BBX: variants seen among roughly 807,000 people sequenced by gnomAD.
BBX encodes BBX high mobility group box domain containing, also known as HMG box transcription factor BBX.
A neutral mutation model predicts 100.2 loss-of-function variants in BBX; 30 were observed. The observed-to-expected ratio is 0.30, with a 90% CI of 0.22 to 0.41. BBX has a LOEUF of 0.41. Ranked by LOEUF, BBX falls within the 10% of genes least tolerant of loss-of-function variation. The probability of loss-of-function intolerance (pLI) is 1.00; values close to 1 mark genes in which losing one functional copy is unlikely to be tolerated. For missense variants in BBX, 1,023 were observed against 1,129.8 expected (o/e 0.91, Z 1.35); for synonymous variants, 376 against 388.1 (o/e 0.97, Z 0.37).
In BBX at chr3:107,537,857, G is replaced by A. The variant is rs560780320; in HGVS notation, c.-84+11459G>A. Among the ~76,000 whole-genome samples, 42 of 152,314 alleles carry A rather than the reference G, an allele frequency of 2.8e-4. 1 individual carries two copies. The highest frequency in any genetic ancestry group is 9.9e-4 in the African/African-American group (41 of 41,568). ...TGTGCTCAGTGTTCCAGATGCCAGT[G>A]TACTTTAATAACAAATACATTCATA... On this transcript the variant is annotated intron_variant, in intron 2 of 17. Transcript: ENST00000325805.
At chr3:107,526,185 G>A (rs758140192) in intron 1 of BBX, 142 bp from the exon 2 acceptor site, 134 of 396,274 alleles carry the variant, frequency 3.4e-4, no homozygotes, top group Non-Finnish European at 4.7e-4. Context: ...GTGTCGGGGG[G>A]TGGTAGAGAA....
intron 5 of BBX, among the ~76,000 whole-genome samples, chr3:107,722,630 G>A (rs886706172): frequency 1.3e-5 from 2 of 151,928 alleles, no homozygotes; most frequent in African/African-American, 2.4e-5. Flanking sequence ...TTTTTCAAGT[G>A]TATAATTTCT....
intron 12 of BBX, among the ~76,000 whole-genome samples, chr3:107,777,611 A>G (rs970185033): frequency 2.0e-5 from 3 of 152,186 alleles, no homozygotes; most frequent in African/African-American, 4.8e-5. Flanking sequence ...GCATGTTGCC[A>G]TTGCTGTGGG....
intron 2 of BBX, among the ~76,000 whole-genome samples, chr3:107,531,455 G>A (rs1177260864): frequency 6.6e-6 from 1 of 152,122 alleles, no homozygotes; most frequent in Non-Finnish European, 1.5e-5. Context: ...GATTACACAA[G>A]ACAGTAATGA....
intron 2 of BBX, among the ~76,000 whole-genome samples, chr3:107,629,260 A>G (rs180793399): frequency 3.9e-5 from 6 of 152,358 alleles, no homozygotes; most frequent in African/African-American, 9.6e-5. Flanking sequence ...ACAAAACAAA[A>G]TAATATGAAA....
intron 5 of BBX, among the ~76,000 whole-genome samples, chr3:107,720,371 G>A (rs1283777415): frequency 6.6e-6 from 1 of 151,922 alleles, no homozygotes; most frequent in African/African-American, 2.4e-5. Flanking sequence ...TGCTGGGGAG[G>A]GAAGTGGGTG....
intron 3 of BBX, among the ~76,000 whole-genome samples, chr3:107,698,527 C>T (rs953197173): frequency 6.6e-6 from 1 of 151,328 alleles, no homozygotes; most frequent in African/African-American, 2.5e-5. Context: ...TGGCATACTC[C>T]TGTAGTCCCA....
rs997077709 is a variant in BBX, at chr3:107,704,811, A to G, written c.-9-5641A>G. Among the ~76,000 whole-genome samples, 11 of 152,262 alleles carry G rather than the reference A, an allele frequency of 7.2e-5. No individual in the cohort carries two copies. In the South Asian group the frequency reaches 8.3e-4, roughly 11 times the overall value. On this transcript the variant is annotated intron_variant, in intron 3 of 17. Transcript: ENST00000325805. ...GGTGCAGGGGAGTTGTCAAAACACT[A>G]TGATAAGTGCTTGACCTAACAGAAT...
At chr3:107,801,731 A>G (rs756616639) in intron 17 of BBX, among the ~76,000 whole-genome samples, 3 of 152,132 alleles carry the variant, frequency 2.0e-5, no homozygotes, top group Non-Finnish European at 4.4e-5. Context: ...TAACTCTAGC[A>G]TCCCAGTGCT....
rs2071111370 is a variant in BBX, at chr3:107,807,284, G to C, written c.*1827G>C. The C allele has an allele frequency of 6.6e-6, 1 of 152,138 alleles. No individual in the cohort carries two copies. Among genetic ancestry groups the C allele is most frequent in the Non-Finnish European group, 1.5e-5 (1 of 68,026 alleles). 9.4% of individuals were successfully genotyped at this position (152,138 alleles called of 1,614,324 possible). On this transcript the variant is annotated 3_prime_UTR_variant, in exon 18 of 18. Coordinates refer to ENST00000325805, the MANE Select transcript of BBX (RefSeq NM_001142568.3). ...CATATTCCTGGTGGGGATGGAGGAA[G>C]AAGGCATTAGTAAAAGGTTAATCAA...
intron 3 of BBX, among the ~76,000 whole-genome samples, chr3:107,699,293 C>G (rs1247165753): frequency 6.6e-6 from 1 of 151,720 alleles, no homozygotes; most frequent in African/African-American, 2.4e-5. Flanking sequence ...CAGCCAGGTT[C>G]CAGGAGGTGG....
chr3:107,735,219 A>G (rs1045474801), intron 7 of BBX, among the ~76,000 whole-genome samples: 4 of 152,186 alleles, frequency 2.6e-5, no homozygotes, highest in Admixed American at 2.0e-4. Flanking sequence ...GTCTTATTCC[A>G]GATATGTAGA....
chr3:107,576,126 A>G (rs942890614), intron 2 of BBX, among the ~76,000 whole-genome samples: 1 of 152,202 alleles, frequency 6.6e-6, no homozygotes, highest in Non-Finnish European at 1.5e-5. Context: ...GAAGACACCA[A>G]ATGTTCCCAT....
intron 3 of BBX, among the ~76,000 whole-genome samples, chr3:107,679,965 A>G (rs2059489010): frequency 1.3e-5 from 2 of 152,202 alleles, no homozygotes; most frequent in South Asian, 4.1e-4. Flanking sequence ...CAGAAAGTCT[A>G]TCAGCAATGA....
At position 107,728,774 on chromosome 3, in the gene BBX, G is replaced by A. The variant is rs769511281; in HGVS notation, c.415G>A (p.Ala139Thr). ...GTCGTTTTATTTATAGTATAAGGAT[G>A]CATTTATGAAAGCAAATCCTGGCTA... Reference protein sequence around the residue: ...YTDMAKEYKDAFMKANPGYKW... With the variant: ...YTDMAKEYKDTFMKANPGYKW... Residue 139 changes from alanine (A) to threonine (T), a missense_variant, in exon 6 of 18, where the codon GCA becomes ACA. Coordinates refer to ENST00000325805, the MANE Select transcript of BBX (RefSeq NM_001142568.3). The A allele has an allele frequency of 1.1e-5, 18 of 1,612,196 alleles. No homozygotes were observed. Among genetic ancestry groups the A allele is most frequent in the Non-Finnish European group, 1.4e-5 (16 of 1,179,104 alleles).
chr3:107,647,816 G>T (rs2057611980), intron 3 of BBX, among the ~76,000 whole-genome samples: 1 of 152,088 alleles, frequency 6.6e-6, no homozygotes, highest in Non-Finnish European at 1.5e-5. Flanking sequence ...CTGCCACTCC[G>T]CTCCGTGTCC....
At chr3:107,529,107 G>C (rs1411620472) in intron 2 of BBX, among the ~76,000 whole-genome samples, 1 of 152,168 alleles carries the variant, frequency 6.6e-6, no homozygotes, top group African/African-American at 2.4e-5. Context: ...GTTATTATTA[G>C]TGTCTTAAAA....
At chr3:107,612,796 G>A (rs1170030941) in intron 2 of BBX, among the ~76,000 whole-genome samples, 1 of 152,230 alleles carries the variant, frequency 6.6e-6, no homozygotes, top group Admixed American at 6.5e-5. Context: ...TCAGCAGATA[G>A]TCAAGGCAGG....
chr3:107,658,132 T>C (rs2107841351), intron 3 of BBX, among the ~76,000 whole-genome samples: 1 of 152,292 alleles, frequency 6.6e-6, no homozygotes, highest in South Asian at 2.1e-4. Context: ...ATATTCCTTC[T>C]TTGAGTGCCA....
Sources: gnomAD v4.1 joint callset for allele counts (sites outside exome capture counted in the v4.1 genomes callset) on GRCh38, gnomAD v4.1.1 for gene constraint, MANE v1.5 for transcripts, NCBI Gene and HGNC (gene_info 2026-07-23, HGNC 2026-07-21) for gene names.